BASP1: variants seen among roughly 807,000 people sequenced by gnomAD.
BASP1 encodes the protein brain abundant membrane attached signal protein 1, also known as brain acid soluble protein 1.
BASP1 carries 1 observed loss-of-function variant against 2.2 expected under a neutral mutation model. The ratio of observed to expected loss-of-function variants is 0.46; its 90% confidence interval spans 0.16 to 2.17. The LOEUF (loss-of-function observed/expected upper bound fraction) is 2.17, where lower values mean the gene tolerates loss of function less well. BASP1 is among the 30% of genes most tolerant of loss of function. The pLI, the probability that BASP1 is intolerant of heterozygous loss-of-function variation, is 0.27. For missense variants in BASP1, 352 were observed against 327.2 expected, an observed-to-expected ratio of 1.08 and a Z score of -0.58; for synonymous variants, 187 against 154.2, an observed-to-expected ratio of 1.21 and a Z score of -1.58.
In BASP1 at chr5:17,248,633, G is replaced by A. The variant is rs561118717; in HGVS notation, c.-9-26575G>A. Among the ~76,000 whole-genome samples the A allele has an allele frequency of 2.6e-5, 4 of 152,206 alleles. No homozygotes were observed. The South Asian group carries it at 8.3e-4, about 32-fold the overall frequency. ...TACATTTGAGGGTTAATAAAACCAA[G>A]CTCAGGCACTTCGGTATTCTTTTAA... On this transcript the variant is annotated intron_variant, in intron 1 of 1. Coordinates refer to ENST00000322611, the MANE Select transcript of BASP1 (RefSeq NM_006317.5).
intron 1 of BASP1, among the ~76,000 whole-genome samples, chr5:17,248,649 A>G (rs1437154706): frequency 1.3e-5 from 2 of 152,168 alleles, no homozygotes; most frequent in East Asian, 3.9e-4. Context: ...GCACTTCGGT[A>G]TTCTTTTAAA....
At chr5:17,233,993 T>G (rs1292544866) in intron 1 of BASP1, among the ~76,000 whole-genome samples, 1 of 152,062 alleles carries the variant, frequency 6.6e-6, no homozygotes, top group Non-Finnish European at 1.5e-5. Context: ...TAGCTGGGCG[T>G]GGTGGCACAC....
chr5:17,254,487 GT>G (rs554143259), intron 1 of BASP1, among the ~76,000 whole-genome samples: 3 of 151,974 alleles, frequency 2.0e-5, no homozygotes, highest in Non-Finnish European at 2.9e-5. Context: ...TTCTAGTGTA[GT>G]TTTTTTTGGA....
intron 1 of BASP1, among the ~76,000 whole-genome samples, chr5:17,227,312 T>G (rs1477879189): frequency 6.6e-6 from 1 of 150,676 alleles, no homozygotes; most frequent in Non-Finnish European, 1.5e-5. Flanking sequence ...CTCTGCCTCC[T>G]GGGTTCAAGC....
At chr5:17,247,657 T>C (rs1452155990) in intron 1 of BASP1, among the ~76,000 whole-genome samples, 1 of 152,224 alleles carries the variant, frequency 6.6e-6, no homozygotes, top group African/African-American at 2.4e-5. Flanking sequence ...GGCCCAGCAC[T>C]TAGGCCTGCC....
At chr5:17,237,212 T>C (rs545930347) in intron 1 of BASP1, among the ~76,000 whole-genome samples, 23 of 152,084 alleles carry the variant, frequency 1.5e-4, no homozygotes, top group African/African-American at 3.1e-4. Context: ...GGCGTGGTGG[T>C]GGGCGCCTGT....
chr5:17,262,482 A>T (rs6876561), intron 1 of BASP1, among the ~76,000 whole-genome samples: 6,944 of 152,294 alleles, frequency 0.046, 513 homozygotes, highest in African/African-American at 0.16. Flanking sequence ...TTGTTTCCTC[A>T]TGCTAAAGTG....
chr5:17,233,110 G>A (rs1000050110), intron 1 of BASP1, among the ~76,000 whole-genome samples: 11 of 152,098 alleles, frequency 7.2e-5, no homozygotes, highest in African/African-American at 2.7e-4. Context: ...AAACATTTCT[G>A]GATGTTGATC....
chr5:17,250,465 T>C (rs1337342442), intron 1 of BASP1, among the ~76,000 whole-genome samples: 1 of 152,224 alleles, frequency 6.6e-6, no homozygotes, highest in African/African-American at 2.4e-5. Context: ...GAGAAGTCAA[T>C]GAACAGACTT....
At chr5:17,253,126 TG>T (rs1217891385) in intron 1 of BASP1, among the ~76,000 whole-genome samples, 1 of 151,536 alleles carries the variant, frequency 6.6e-6, no homozygotes, top group Non-Finnish European at 1.5e-5. Flanking sequence ...AATAATCAAT[TG>T]GTTTTTTTTT....
At chr5:17,268,577 G>A (rs557823710) in intron 1 of BASP1, among the ~76,000 whole-genome samples, 1 of 152,306 alleles carries the variant, frequency 6.6e-6, no homozygotes, top group African/African-American at 2.4e-5. Context: ...CGTGTACAGA[G>A]GGGATCTGGA....
intron 1 of BASP1, among the ~76,000 whole-genome samples, chr5:17,230,037 C>T (rs1318630035): frequency 6.6e-6 from 1 of 152,064 alleles, no homozygotes; most frequent in African/African-American, 2.4e-5. Flanking sequence ...CAGGCATGAG[C>T]TACCGCACCT....
intron 1 of BASP1, among the ~76,000 whole-genome samples, chr5:17,241,790 G>A (rs1395649693): frequency 6.6e-6 from 1 of 152,084 alleles, no homozygotes; most frequent in Non-Finnish European, 1.5e-5. Context: ...AGACCTGTGG[G>A]GACAGTTCAC....
At chr5:17,241,355 T>C (rs2962353) in intron 1 of BASP1, among the ~76,000 whole-genome samples, 48,260 of 151,990 alleles carry the variant, frequency 0.32, 7,878 homozygotes, top group East Asian at 0.47. Flanking sequence ...CTGCCTCAGC[T>C]TCCCAAAGTG....
chr5:17,218,511 C>T (rs1375920099), intron 1 of BASP1, among the ~76,000 whole-genome samples: 1 of 152,168 alleles, frequency 6.6e-6, no homozygotes, highest in Non-Finnish European at 1.5e-5. Flanking sequence ...TTCCTACGAA[C>T]CCGTGGGCTG....
intron 1 of BASP1, among the ~76,000 whole-genome samples, chr5:17,224,031 G>T (rs1007814399): frequency 1.3e-5 from 2 of 152,166 alleles, no homozygotes; most frequent in African/African-American, 2.4e-5. Flanking sequence ...ATCCCCGTGG[G>T]GACCTTAGAA....
Position 17,251,760 on chromosome 5 carries a change from G to T in BASP1, c.-9-23448G>T, listed in dbSNP as rs1028792796. 6.6e-6 allele frequency among the ~76,000 whole-genome samples: 1 copy of T among 152,192 alleles called. No homozygotes were observed. The highest frequency in any genetic ancestry group is 2.4e-5 in the African/African-American group (1 of 41,446). On this transcript the variant is annotated intron_variant, in intron 1 of 1. Coordinates refer to ENST00000322611, the MANE Select transcript of BASP1 (RefSeq NM_006317.5). The surrounding 1 kb of genome is among the most constrained non-coding windows in gnomAD (Gnocchi z 4.0). The stretch of plus-strand genomic sequence containing the variant: ...CTCCCACATTTCTGGCTGGGCGATG[G>T]GGTGGATGTGGTTCTAATCTCTTGG...
chr5:17,275,850 G>T lies in BASP1; in HGVS notation c.634G>T (p.Val212Leu), dbSNP rs771941899. The change falls in exon 2 of 2, where the codon GTG becomes TTG. Residue 212 changes from valine to leucine, a missense_variant. Physicochemically the swap from Val to Leu is conservative, Grantham distance 32. Coordinates refer to ENST00000322611, the MANE Select transcript of BASP1 (RefSeq NM_006317.5). This position sits in a 1 kb window ranked among gnomAD's most constrained non-coding sequence, Gnocchi z 5.3. ...AGCCTCTGCAGAAGAGCCCAAGCCG[G>T]TGGAGGCCCCGGCAGCTAATTCCGA... ...PAASAEEPKP[V>L]EAPAANSDQT... 6.2e-7 allele frequency: 1 copy of T among 1,605,560 alleles called. No homozygotes were observed. The highest frequency in any genetic ancestry group is 1.7e-5 in the Admixed American group (1 of 58,370).
At chr5:17,265,474 C>T (rs568769668) in intron 1 of BASP1, among the ~76,000 whole-genome samples, 24 of 152,152 alleles carry the variant, frequency 1.6e-4, no homozygotes, top group African/African-American at 3.9e-4. Flanking sequence ...TTTTGCTTGC[C>T]GCCAAAAATG....
Sources: allele counts gnomAD v4.1 joint callset (sites outside exome capture counted in the v4.1 genomes callset), GRCh38; gene constraint gnomAD v4.1.1; non-coding constraint Gnocchi (gnomAD v3.1); transcripts MANE v1.5; gene names NCBI Gene and HGNC (gene_info 2026-07-23, HGNC 2026-07-21).